PPP6R3: variants seen among roughly 807,000 people sequenced by gnomAD.
PPP6R3 encodes the protein serine/threonine-protein phosphatase 6 regulatory subunit 3.
Under a neutral mutation model 110.7 loss-of-function variants are expected in PPP6R3, and 38 were observed. That is an observed-to-expected ratio of 0.34 (90% CI 0.26 to 0.45). The LOEUF (loss-of-function observed/expected upper bound fraction) is 0.45. Ranked by LOEUF, PPP6R3 falls within the 20% of genes least tolerant of loss-of-function variation. PPP6R3 has a pLI of 1.00. For missense variants in PPP6R3, 870 were observed against 1,062.4 expected, an observed-to-expected ratio of 0.82 and a Z score of 2.52; for synonymous variants, 369 against 373.5, an observed-to-expected ratio of 0.99 and a Z score of 0.14.
intron 1 of PPP6R3, among the ~76,000 whole-genome samples, chr11:68,496,370 C>A (rs1389964364): frequency 2.6e-5 from 4 of 151,928 alleles, no homozygotes; most frequent in Non-Finnish European, 5.9e-5. Flanking sequence ...GAGACGGGGT[C>A]TCTCTGTATT....
chr11:68,615,093 T>G lies in PPP6R3; in HGVS notation c.*1976T>G. ...TGCTGGGAGAGAGCCTCTGGGACTT[T>G]TCTTTGGGGCATCATTTTGTTTTGT... is the stretch of plus-strand genomic sequence containing the variant. On this transcript the variant is annotated 3_prime_UTR_variant, in exon 24 of 24. Coordinates refer to ENST00000393800, the MANE Select transcript of PPP6R3 (RefSeq NM_001164161.2). 1 of 466,006 alleles carries G rather than the reference T, an allele frequency of 2.1e-6. No individual in the cohort carries two copies. Among genetic ancestry groups the G allele is most frequent in the Non-Finnish European group, 4.3e-6 (1 of 233,564 alleles). 28.9% of individuals were successfully genotyped at this position (466,006 alleles called of 1,614,324 possible). A position where few individuals can be genotyped will look rare whatever the true frequency, so the allele number is the denominator to read the frequency against.
At chr11:68,572,921 C>T (rs1234094813) in intron 12 of PPP6R3, among the ~76,000 whole-genome samples, 1 of 149,688 alleles carries the variant, frequency 6.7e-6, no homozygotes, top group Non-Finnish European at 1.5e-5. Context: ...ACTTTATTTT[C>T]CAAGCAAGCC....
intron 8 of PPP6R3, among the ~76,000 whole-genome samples, chr11:68,561,902 G>A (rs953676125): frequency 6.6e-6 from 1 of 152,186 alleles, no homozygotes; most frequent in Middle Eastern, 3.2e-3. Context: ...TAGGACTACA[G>A]GCACAAGCCA....
Position 68,574,791 on chromosome 11 carries a change from C to T in PPP6R3, c.1459+567C>T, listed in dbSNP as rs116657539. Among the ~76,000 whole-genome samples the T allele has an allele frequency of 2.6e-3, 403 of 152,310 alleles. 4 individuals carry two copies. The highest frequency in any genetic ancestry group is 8.5e-3 in the African/African-American group (352 of 41,568). On this transcript the variant is annotated intron_variant, in intron 13 of 23. Coordinates refer to ENST00000393800, the MANE Select transcript of PPP6R3 (RefSeq NM_001164161.2). ...TATGGATGCTTTTTTACACTGGCCC[C>T]AAGCCATGAGCCTTCTTCTAAAATG...
At position 68,569,879 on chromosome 11, in the gene PPP6R3, T is replaced by C. The variant is rs1269934013; in HGVS notation, c.1260T>C (p.Asp420=). ...ATITDQDSTG[D]NLLLKHLFQK... ...TTACCGATCAAGACTCCACTGGTGA[T>C]AATTTGTTATTAAAACATGTAAGCT... The change falls in exon 11 of 24, where the codon GAT becomes GAC. Residue 420 remains aspartate (D), a synonymous_variant. Transcript: ENST00000393800. 1.2e-6 allele frequency: 2 copies of C among 1,609,254 alleles called. No homozygotes were observed. Among genetic ancestry groups the C allele is most frequent in the Admixed American group, 3.4e-5 (2 of 59,642 alleles).
rs1565716490 is a variant in PPP6R3 at position 68,542,390 on chromosome 11, T to TTTTTTTTTTTTTTTG, written c.228-2434_228-2433insGTTTTTTTTTTTTTT. On this transcript the variant is annotated intron_variant, in intron 3 of 23. Coordinates refer to ENST00000393800, the MANE Select transcript of PPP6R3 (RefSeq NM_001164161.2). ...TCTTTGGGTGCTTGAGAAGCTGCTG[T>TTTTTTTTTTTTTTTG]TTTTTTTTTTTTTTTTTTTTTAAGA... Among the ~76,000 whole-genome samples the TTTTTTTTTTTTTTTG allele has an allele frequency of 3.7e-5, 2 of 54,662 alleles. 1 individual carries two copies. The highest frequency in any genetic ancestry group is 1.5e-4 in the African/African-American group (2 of 12,990). 35.9% of individuals were successfully genotyped at this position (54,662 alleles called of 152,430 possible).
rs763992411 is a variant in PPP6R3, at chr11:68,596,234, C to A, written c.2038+16C>A. ...CTGAGTGAACGTAAGTGGATTCATTCTTCAGATCAGCTGCCCTGTGTTGGA... is the reference window on the plus strand; with the variant it reads ...CTGAGTGAACGTAAGTGGATTCATTATTCAGATCAGCTGCCCTGTGTTGGA... On this transcript the variant is annotated intron_variant, in intron 19 of 23. Transcript: ENST00000393800. 6.8e-6 allele frequency: 11 copies of A among 1,613,990 alleles called. No homozygotes were observed. In the South Asian group the frequency reaches 9.9e-5, roughly 14 times the overall value.
In PPP6R3 at chr11:68,502,592, T is replaced by C. The variant is rs534617730; in HGVS notation, c.-157-16909T>C. 4.7e-4 allele frequency among the ~76,000 whole-genome samples: 72 copies of C among 152,284 alleles called. No individual in the cohort carries two copies. The South Asian group carries it at 0.014, about 29-fold the overall frequency. On this transcript the variant is annotated intron_variant, in intron 1 of 23. Transcript: ENST00000393800. ...GAATGCACACTCCAGTTTACCTTAT[T>C]CCAGGTTGTGGCAAAAGATGCAGAG...
chr11:68,571,165 C>T, intron 12 of PPP6R3, 61 bp downstream of exon 12: 3 of 1,533,388 alleles, frequency 2.0e-6, no homozygotes, highest in Admixed American at 2.4e-5. Context: ...GAAAATAATA[C>T]CTCCTTGCCC....
rs183597138 is a variant in PPP6R3 at position 68,614,977 on chromosome 11, G to T, written c.*1860G>T. On this transcript the variant is annotated 3_prime_UTR_variant, in exon 24 of 24. Transcript: ENST00000393800. ...TGGCCTCCGTGGTATGGACCTGGTG[G>T]CTTCTCCATCCCACTGTGGCCTCTG... 5.8e-4 allele frequency: 335 copies of T among 576,182 alleles called. 1 individual carries two copies. Among genetic ancestry groups the T allele is most frequent in the African/African-American group, 5.5e-3 (300 of 54,380 alleles). 35.7% of individuals were successfully genotyped at this position (576,182 alleles called of 1,614,324 possible).
chr11:68,574,256 T>A, intron 13 of PPP6R3, 32 bp downstream of exon 13: 1 of 1,558,444 alleles, frequency 6.4e-7, no homozygotes. Context: ...AATTACATTT[T>A]TGTTGGGTTG....
chr11:68,532,410 C>G (rs972507733), intron 2 of PPP6R3, among the ~76,000 whole-genome samples: 2 of 152,114 alleles, frequency 1.3e-5, no homozygotes, highest in East Asian at 1.9e-4. Flanking sequence ...TTAATCTTAG[C>G]CCTTTTGGAG....
intron 1 of PPP6R3, among the ~76,000 whole-genome samples, chr11:68,483,757 C>T (rs1404783953): frequency 6.6e-6 from 1 of 152,236 alleles, no homozygotes; most frequent in African/African-American, 2.4e-5. Context: ...GCTGGGATTA[C>T]AGGCGTGAGC....
At position 68,574,174 on chromosome 11, in the gene PPP6R3, A is replaced by G. The variant is rs758494360; in HGVS notation, c.1409A>G (p.His470Arg). Residue 470 changes from histidine to arginine, a missense_variant, in exon 13 of 24, where the codon CAC (histidine) becomes CGC (arginine). Physicochemically the swap from His to Arg is conservative, Grantham distance 29 (BLOSUM62 0). Transcript: ENST00000393800. Reference protein sequence around the residue: ...HLTRIANCIVHSTDKGPNSAL... With the variant: ...HLTRIANCIVRSTDKGPNSAL... ...ACGAGGATAGCTAACTGTATCGTGC[A>G]CAGCACTGACAAGGGCCCCAACAGT... The G allele has an allele frequency of 1.2e-6, 2 of 1,614,120 alleles. No homozygotes were observed. The highest frequency in any genetic ancestry group is 4.5e-5 in the East Asian group (2 of 44,882).
chr11:68,587,208 C>T (rs1451000586), intron 15 of PPP6R3: 3 of 147,086 alleles, frequency 2.0e-5, no homozygotes, highest in African/African-American at 2.5e-5. Flanking sequence ...ACTAAAAACC[C>T]GAACAAGTCT....
intron 8 of PPP6R3, among the ~76,000 whole-genome samples, chr11:68,559,768 C>T (rs561044068): frequency 2.7e-3 from 413 of 151,294 alleles, no homozygotes; most frequent in Non-Finnish European, 4.2e-3. Flanking sequence ...GTGCCCTCTT[C>T]CCACCCCAGG....
At chr11:68,546,546 T>G (rs1239805621) in intron 4 of PPP6R3, among the ~76,000 whole-genome samples, 1 of 152,216 alleles carries the variant, frequency 6.6e-6, no homozygotes, top group Non-Finnish European at 1.5e-5. Flanking sequence ...TCAGTGGCTG[T>G]GAGTTAAGAT....
At chr11:68,594,452 T>C (rs1004850510) in intron 18 of PPP6R3, among the ~76,000 whole-genome samples, 2 of 152,082 alleles carry the variant, frequency 1.3e-5, no homozygotes, top group African/African-American at 4.8e-5. Context: ...AGCCCAGGAG[T>C]TCGAGACCAG....
At position 68,614,313 on chromosome 11, in the gene PPP6R3, TCA is replaced by T. The variant is rs1566258974; in HGVS notation, c.*1199_*1200del. Reference sequence around the variant, plus strand: ...TTTTCTATGTCAATACAAAAATACATCACAGCCTTCTCAAACAGCTCAAGCAA... The same window carrying T: ...TTTTCTATGTCAATACAAAAATACATCAGCCTTCTCAAACAGCTCAAGCAA... On this transcript the variant is annotated 3_prime_UTR_variant, in exon 24 of 24. Coordinates refer to ENST00000393800, the MANE Select transcript of PPP6R3 (RefSeq NM_001164161.2). 1 of 1,068,860 alleles carries T rather than the reference TCA, an allele frequency of 9.4e-7. No individual in the cohort carries two copies. The highest frequency in any genetic ancestry group is 1.1e-6 in the Non-Finnish European group (1 of 882,508). The allele number at this position is 1,068,860 out of a possible 1,614,324, so 66.2% of individuals were successfully genotyped here.
Sources: gnomAD v4.1 joint callset for allele counts (sites outside exome capture counted in the v4.1 genomes callset) on GRCh38, gnomAD v4.1.1 for gene constraint, MANE v1.5 for transcripts, NCBI Gene and HGNC (gene_info 2026-07-23, HGNC 2026-07-21) for gene names.